DCC: variants seen among roughly 807,000 people sequenced by gnomAD.
DCC encodes DCC netrin 1 receptor.
A neutral mutation model predicts 172.5 loss-of-function variants in DCC; 58 were observed. The ratio of observed to expected loss-of-function variants is 0.34; its 90% CI spans 0.27 to 0.42. DCC has a LOEUF of 0.42. Ranked by LOEUF, DCC falls within the 10% of genes least tolerant of loss-of-function variation. The pLI is 1.00. For missense variants in DCC, 1,740 were observed against 1,791.0 expected, an observed-to-expected ratio of 0.97 and a Z score of 0.51; for synonymous variants, 709 against 644.5, an observed-to-expected ratio of 1.10 and a Z score of -1.52.
chr18:53,205,258 C>G lies in DCC; in HGVS notation c.1616C>G (p.Thr539Ser). 1 of 1,613,208 alleles carries G rather than the reference C, an allele frequency of 6.2e-7. No homozygotes were observed. Among genetic ancestry groups the G allele is most frequent in the Non-Finnish European group, 8.5e-7 (1 of 1,179,196 alleles). Residue 539 changes from threonine (T) to serine (S), a missense_variant, in exon 10 of 29, where the codon ACC becomes AGC. By Grantham distance (58) the Thr-to-Ser change is moderately conservative. Transcript: ENST00000442544. ...GPVENLQAVSTSPTSILITWE... is the reference protein window; with the variant it reads ...GPVENLQAVSSSPTSILITWE... ...GTAGAAAACCTGCAAGCTGTATCTA[C>G]CTCACCTACCTCAATTCTTATTACC...
At chr18:52,791,343 T>C (rs78363856) in intron 2 of DCC, among the ~76,000 whole-genome samples, 6,556 of 152,176 alleles carry the variant, frequency 0.043, 219 homozygotes, top group South Asian at 0.16. Context: ...GGGGAGTGCA[T>C]GCTGAAGATG....
intron 11 of DCC, among the ~76,000 whole-genome samples, chr18:53,213,547 C>G (rs1408287504): frequency 6.9e-6 from 1 of 145,168 alleles, no homozygotes; most frequent in African/African-American, 2.6e-5. Context: ...ACTTGGGAGG[C>G]TGAGGCAGGA....
intron 1 of DCC, among the ~76,000 whole-genome samples, chr18:52,733,436 A>G (rs2036676954): frequency 6.6e-6 from 1 of 152,096 alleles, no homozygotes; most frequent in African/African-American, 2.4e-5. Flanking sequence ...TGTTAGTGTA[A>G]CTAGTCTGCA....
intron 1 of DCC, among the ~76,000 whole-genome samples, chr18:52,560,474 G>A (rs576249567): frequency 2.6e-5 from 4 of 152,290 alleles, no homozygotes; most frequent in South Asian, 2.1e-4. Context: ...TCATTGCAAG[G>A]ATTTTGGTAT....
chr18:53,053,112 C>G (rs1235817358), intron 5 of DCC, among the ~76,000 whole-genome samples: 1 of 152,116 alleles, frequency 6.6e-6, no homozygotes, highest in East Asian at 1.9e-4. Flanking sequence ...CACTGCACTC[C>G]AGCCTGGGCA....
At chr18:52,366,364 C>T (rs898740204) in intron 1 of DCC, among the ~76,000 whole-genome samples, 3 of 152,258 alleles carry the variant, frequency 2.0e-5, no homozygotes, top group Admixed American at 6.5e-5. Flanking sequence ...CAAGGGGACC[C>T]GAGCGGGTTG....
At chr18:52,564,123 A>G (rs1373459670) in intron 1 of DCC, among the ~76,000 whole-genome samples, 1 of 152,142 alleles carries the variant, frequency 6.6e-6, no homozygotes, top group South Asian at 2.1e-4. Context: ...TACTAATAGT[A>G]TAGATTCTGT....
intron 17 of DCC, among the ~76,000 whole-genome samples, chr18:53,397,077 C>T (rs557477244): frequency 7.3e-5 from 11 of 150,572 alleles, no homozygotes; most frequent in African/African-American, 2.4e-4. Context: ...ATCTAGTAGC[C>T]CCTTTGGACA....
At chr18:52,518,364 A>G (rs991433721) in intron 1 of DCC, among the ~76,000 whole-genome samples, 3 of 152,210 alleles carry the variant, frequency 2.0e-5, no homozygotes, top group African/African-American at 7.2e-5. Flanking sequence ...GCAAGTTGCA[A>G]TATGTATTTA....
intron 7 of DCC, among the ~76,000 whole-genome samples, chr18:53,073,967 AACTT>A (rs1324481194): frequency 6.6e-6 from 1 of 151,926 alleles, no homozygotes; most frequent in African/African-American, 2.4e-5. Flanking sequence ...CTGACATACT[AACTT>A]CACTGAGATT....
intron 7 of DCC, among the ~76,000 whole-genome samples, chr18:53,095,184 A>G (rs140845047): frequency 6.6e-6 from 1 of 152,324 alleles, no homozygotes; most frequent in East Asian, 1.9e-4. Context: ...GGTTTAATAT[A>G]AATTTATTCC....
At chr18:52,502,215 A>T (rs1331824091) in intron 1 of DCC, among the ~76,000 whole-genome samples, 1 of 152,194 alleles carries the variant, frequency 6.6e-6, no homozygotes, top group Non-Finnish European at 1.5e-5. Flanking sequence ...TTGGTAAATT[A>T]GAATTAAAGA....
At chr18:52,970,258 A>G (rs2041008768) in intron 5 of DCC, among the ~76,000 whole-genome samples, 1 of 152,128 alleles carries the variant, frequency 6.6e-6, no homozygotes, top group Admixed American at 6.5e-5. Context: ...CATTTAGAAT[A>G]TATTAAAATA....
chr18:52,615,413 A>G (rs1376530947), intron 1 of DCC, among the ~76,000 whole-genome samples: 1 of 152,218 alleles, frequency 6.6e-6, no homozygotes, highest in Non-Finnish European at 1.5e-5. Flanking sequence ...TTAGAAAATG[A>G]CATTCAGAGA....
intron 2 of DCC, among the ~76,000 whole-genome samples, chr18:52,786,218 T>A (rs1367747871): frequency 1.3e-5 from 2 of 152,064 alleles, no homozygotes; most frequent in Admixed American, 6.6e-5. Flanking sequence ...CTATTTACTT[T>A]CACTGCTTGG....
chr18:53,206,264 A>G, intron 10 of DCC, among the ~76,000 whole-genome samples: 1 of 135,526 alleles, frequency 7.4e-6, no homozygotes, highest in South Asian at 2.3e-4. Context: ...TACCACATAT[A>G]TGTATTATAA....
intron 21 of DCC, among the ~76,000 whole-genome samples, chr18:53,431,498 T>G (rs12957887): frequency 3.4e-3 from 510 of 152,102 alleles, no homozygotes; most frequent in East Asian, 7.2e-3. Context: ...TGTTGTTGTT[T>G]TTTTACTGAG....
At chr18:52,977,497 C>T (rs772962366) in intron 5 of DCC, among the ~76,000 whole-genome samples, 3 of 151,938 alleles carry the variant, frequency 2.0e-5, no homozygotes, top group Non-Finnish European at 4.4e-5. Context: ...GGTTTTCTGC[C>T]CAGATGTAAA....
chr18:52,791,085 G>A (rs1416280188), intron 2 of DCC, among the ~76,000 whole-genome samples: 1 of 152,142 alleles, frequency 6.6e-6, no homozygotes, highest in Non-Finnish European at 1.5e-5. Flanking sequence ...GCTGGCCCCA[G>A]ATAATGGGGA....
Sources: gnomAD v4.1 joint callset for allele counts (sites outside exome capture counted in the v4.1 genomes callset) on GRCh38, gnomAD v4.1.1 for gene constraint, MANE v1.5 for transcripts, NCBI Gene and HGNC (gene_info 2026-07-23, HGNC 2026-07-21) for gene names.